The following INTS1 variants were observed in gnomAD, a reference collection of about 807,000 sequenced individuals.
INTS1 encodes the protein integrator complex subunit 1.
A neutral mutation model predicts 241.6 loss-of-function variants in INTS1; 137 were observed. That is an observed-to-expected ratio of 0.57 (90% CI 0.49 to 0.65). The LOEUF (loss-of-function observed/expected upper bound fraction) is 0.65. INTS1 is among the 30% of genes least tolerant of loss of function. The pLI is 0.00. For missense variants in INTS1, 3,073 were observed against 3,032.2 expected (o/e 1.01, Z -0.32); for synonymous variants, 1,692 against 1,337.8 (o/e 1.26, Z -5.78).
chr7:1,483,342 G>T (rs1175796499), intron 26 of INTS1: 7 of 338,342 alleles, frequency 2.1e-5, no homozygotes, highest in Non-Finnish European at 4.0e-5. Flanking sequence ...AGGGTCACTC[G>T]CCTGGGCCCC....
chr7:1,482,346 C>T (rs1377815331), intron 27 of INTS1, 200 bp downstream of exon 27: 5 of 478,302 alleles, frequency 1.0e-5, no homozygotes, highest in Non-Finnish European at 1.5e-5. Context: ...ACGGGGCCAG[C>T]ACAGGCTGCC....
intron 42 of INTS1, 87 bp downstream of exon 42, chr7:1,473,479 C>G (rs117931119): frequency 1.4e-6 from 2 of 1,470,306 alleles, no homozygotes; most frequent in East Asian, 2.5e-5. Flanking sequence ...ATATCTGACA[C>G]GACACGGCCT....
In INTS1 at chr7:1,470,628, G is replaced by A. The variant is rs756298510; in HGVS notation, c.6522C>T (p.Ser2174=). 4 of 1,587,966 alleles carry A rather than the reference G, an allele frequency of 2.5e-6. No individual in the cohort carries two copies. The highest frequency in any genetic ancestry group is 3.5e-5 in the Admixed American group (2 of 57,300). ...TCCTCAGGGCCTCGGAGATCTGCGC[G>A]CTGGGGTCCATCTGGCCGTACATGC... ...LVGMYGQMDP[S]AQISEALRIL... Residue 2174 remains serine (S), a synonymous_variant, in exon 48 of 48, where the codon AGC becomes AGT. Transcript: ENST00000404767.
intron 46 of INTS1, 47 bp downstream of exon 46, chr7:1,471,086 G>C: frequency 1.3e-5 from 20 of 1,534,152 alleles, no homozygotes; most frequent in Non-Finnish European, 1.7e-5. Context: ...ACCTGGGTTA[G>C]CAGGGCCCAG....
At chr7:1,474,863 CG>C in intron 39 of INTS1, 25 bp from the exon 40 acceptor site, 3 of 1,561,300 alleles carry the variant, frequency 1.9e-6, no homozygotes, top group Non-Finnish European at 2.6e-6. Context: ...GCTCTGAGGC[CG>C]GGGCCGCTGG....
In INTS1 at chr7:1,481,124, G is replaced by C. The variant is rs920455867; in HGVS notation, c.3851-191C>G. 2 of 706,316 alleles carry C rather than the reference G, an allele frequency of 2.8e-6. No individual in the cohort carries two copies. Among genetic ancestry groups the C allele is most frequent in the Non-Finnish European group, 4.9e-6 (2 of 408,382 alleles). The allele number at this position is 706,316 out of a possible 1,614,324, so 43.8% of individuals were successfully genotyped here. ...CTCCAAGCTCAAAACACGGCCCTAG[G>C]GGGTGCCTGGCCCCAGGGTTGGGGC... On this transcript the variant is annotated intron_variant, in intron 28 of 47. Coordinates refer to ENST00000404767, the MANE Select transcript of INTS1 (RefSeq NM_001080453.3). This position sits in a 1 kb window ranked among gnomAD's most constrained non-coding sequence, Gnocchi z 6.8.
At position 1,476,070 on chromosome 7, in the gene INTS1, C is replaced by G. The variant is rs773961874; in HGVS notation, c.5380G>C (p.Val1794Leu). Residue 1794 changes from valine to leucine, a missense_variant and splice_region_variant, in exon 39 of 48, where the codon GTG becomes CTG. Coordinates refer to ENST00000404767, the MANE Select transcript of INTS1 (RefSeq NM_001080453.3). ...AGGTCTCGGCAGCGCCTGCCCAGCA[C>G]GCTGGAAGAGGTGGAGCAGGGCTCA... ...SGCIQQWGDS[V>L]LGRRCRDLLL... is the part of the protein sequence containing the mutation. 1.9e-5 allele frequency: 29 copies of G among 1,542,070 alleles called. No homozygotes were observed. Among genetic ancestry groups the G allele is most frequent in the Non-Finnish European group, 2.2e-5 (25 of 1,145,850 alleles).
At chr7:1,498,265 T>C in intron 10 of INTS1, 147 bp downstream of exon 10, 2 of 1,260,310 alleles carry the variant, frequency 1.6e-6, no homozygotes, top group Admixed American at 4.4e-5. Context: ...CATGCCCACG[T>C]GAGTTTCAAA....
At chr7:1,476,123 G>C in intron 38 of INTS1, 52 bp from the exon 39 acceptor site, 1 of 1,528,002 alleles carries the variant, frequency 6.5e-7, no homozygotes, top group South Asian at 1.2e-5. Flanking sequence ...CAGTGACAGG[G>C]GTGGGTGGAC....
chr7:1,493,382 G>T lies in INTS1; in HGVS notation c.2069-276C>A, dbSNP rs1057132518. Among the ~76,000 whole-genome samples, 2 of 152,116 alleles carry T rather than the reference G, an allele frequency of 1.3e-5. No homozygotes were observed. Among genetic ancestry groups the T allele is most frequent in the Admixed American group, 1.3e-4 (2 of 15,280 alleles). On this transcript the variant is annotated intron_variant, in intron 15 of 47. Coordinates refer to ENST00000404767, the MANE Select transcript of INTS1 (RefSeq NM_001080453.3). The surrounding 1 kb of genome is among the most constrained non-coding windows in gnomAD (Gnocchi z 5.3). Reference sequence around the variant, plus strand: ...GACGGGGGTGTGGCCGGCAGGGTGGGGACCCGCAAGCCCTCGGGGCAGAGC... The same window carrying T: ...GACGGGGGTGTGGCCGGCAGGGTGGTGACCCGCAAGCCCTCGGGGCAGAGC...
chr7:1,494,858 G>C lies in INTS1; in HGVS notation c.1868C>G (p.Thr623Ser). The change falls in exon 14 of 48, where the codon ACC becomes AGC. Residue 623 changes from threonine to serine, a missense_variant. Physicochemically the swap from Thr to Ser is moderately conservative, Grantham distance 58. Coordinates refer to ENST00000404767, the MANE Select transcript of INTS1 (RefSeq NM_001080453.3). The part of the protein sequence containing the change: ...HKVLFTEQPE[T>S]YYKWDNWPPE... ...TGGCCAGTTGTCCCACTTGTAGTAG[G>C]TCTCCGGCTGCTCTGTGAACAGCAC... 2 of 1,568,854 alleles carry C rather than the reference G, an allele frequency of 1.3e-6. No homozygotes were observed. The highest frequency in any genetic ancestry group is 8.6e-7 in the Non-Finnish European group (1 of 1,157,530).
At chr7:1,484,274 G>A (rs1319477728) in intron 24 of INTS1, 104 bp from the exon 25 acceptor site, 2 of 1,242,340 alleles carry the variant, frequency 1.6e-6, no homozygotes, top group African/African-American at 3.0e-5. Context: ...ATCTTAAGCA[G>A]GGCCCGCGGC....
rs1427643984 is a variant in INTS1 at position 1,493,243 on chromosome 7, G to A, written c.2069-137C>T. ...CAGGGTGGGGCGCAGGCCTGAGCAG[G>A]AGAGCTGGGGGAAGCTTGGCTTCTC... On this transcript the variant is annotated intron_variant, in intron 15 of 47. Coordinates refer to ENST00000404767, the MANE Select transcript of INTS1 (RefSeq NM_001080453.3). The surrounding 1 kb of genome is among the most constrained non-coding windows in gnomAD (Gnocchi z 5.3). 15 of 662,952 alleles carry A rather than the reference G, an allele frequency of 2.3e-5. No individual in the cohort carries two copies. The highest frequency in any genetic ancestry group is 3.9e-5 in the Non-Finnish European group (15 of 381,200). 41.1% of individuals were successfully genotyped at this position (662,952 alleles called of 1,614,324 possible).
chr7:1,489,600 C>G lies in INTS1; in HGVS notation c.2248G>C (p.Glu750Gln), dbSNP rs772076470. 7 of 1,586,618 alleles carry G rather than the reference C, an allele frequency of 4.4e-6. No individual in the cohort carries two copies. The highest frequency in any genetic ancestry group is 1.3e-5 in the African/African-American group (1 of 74,432). ...LLLVVAAFNP[E>Q]NIGLAAWEEY... ...GCCAGCAGAGGCTCACCGATGTTCTCTGGGTTGAATGCGGCGACGACCAGC... is the reference window on the plus strand; with the variant it reads ...GCCAGCAGAGGCTCACCGATGTTCTGTGGGTTGAATGCGGCGACGACCAGC... The change falls in exon 17 of 48, where the codon GAG becomes CAG. Residue 750 changes from glutamate (E) to glutamine (Q), a missense_variant. Glu to Gln is a conservative substitution (Grantham distance 29). Transcript: ENST00000404767.
intron 3 of INTS1, chr7:1,500,912 C>G (rs1238234402): frequency 6.5e-6 from 1 of 152,932 alleles, no homozygotes; most frequent in Non-Finnish European, 1.5e-5. Flanking sequence ...GTCGTGTTTG[C>G]CACTGTTGGA....
At position 1,499,980 on chromosome 7, in the gene INTS1, G is replaced by C. The variant is rs1215053666; in HGVS notation, c.588C>G (p.Phe196Leu). ...SLLRRDASIN[F>L]KAKGNSLVSV... is the part of the protein sequence containing the mutation. ...ACACCAGGCTGTTCCCCTTGGCCTT[G>C]AAGTTGATGGAGGCGTCCCGCCGCA... is the stretch of plus-strand genomic sequence containing the variant. The change falls in exon 5 of 48, where the codon TTC (phenylalanine) becomes TTG (leucine). Residue 196 changes from phenylalanine (F) to leucine (L), a missense_variant. Phe to Leu is a conservative substitution (Grantham distance 22). Transcript: ENST00000404767. The C allele has an allele frequency of 1.2e-6, 2 of 1,613,496 alleles. No homozygotes were observed. Among genetic ancestry groups the C allele is most frequent in the Non-Finnish European group, 1.7e-6 (2 of 1,179,872 alleles).
rs1422697840 is a variant in INTS1, at chr7:1,474,719, C to T, written c.5622G>A (p.Pro1874=). 24 of 1,560,954 alleles carry T rather than the reference C, an allele frequency of 1.5e-5. No homozygotes were observed. The highest frequency in any genetic ancestry group is 1.5e-4 in the Admixed American group (8 of 52,496). Reference sequence around the variant, plus strand: ...TGGGACAGCACCTGAGCAGCAGCAGCGGGTGCGCCACCGCCAGCTTCCGGC... The same window carrying T: ...TGGGACAGCACCTGAGCAGCAGCAGTGGGTGCGCCACCGCCAGCTTCCGGC... ...MACRKLAVAH[P]LLLLRHLPMI... is the part of the protein sequence containing the mutation. The change falls in exon 40 of 48, where the codon CCG becomes CCA. Residue 1874 remains proline, a synonymous_variant. Transcript: ENST00000404767.
chr7:1,503,220 C>T (rs757003070), intron 2 of INTS1, 29 bp from the exon 3 acceptor site: 3 of 1,515,270 alleles, frequency 2.0e-6, no homozygotes, highest in Non-Finnish European at 1.8e-6. Flanking sequence ...GAAAACCGGG[C>T]ACATTTGCAA....
intron 33 of INTS1, 98 bp downstream of exon 33, chr7:1,478,268 C>T (rs768516443): frequency 1.1e-4 from 142 of 1,346,196 alleles, no homozygotes; most frequent in South Asian, 2.6e-4. Flanking sequence ...CAGTGCTGAG[C>T]AGACACTGTC....
Sources: gnomAD v4.1 joint callset for allele counts (sites outside exome capture counted in the v4.1 genomes callset) on GRCh38, gnomAD v4.1.1 for gene constraint, Gnocchi (gnomAD v3.1) non-coding constraint, MANE v1.5 for transcripts, NCBI Gene and HGNC (gene_info 2026-07-23, HGNC 2026-07-21) for gene names.